DGKH: variants seen among roughly 807,000 people sequenced by gnomAD.
The protein encoded by DGKH is diacylglycerol kinase eta.
In DGKH, 90 loss-of-function variants were observed where a neutral mutation model predicts 159.3. That is an observed-to-expected ratio of 0.57 (90% CI 0.48 to 0.67). The LOEUF (loss-of-function observed/expected upper bound fraction) is 0.67, where lower values mean the gene tolerates loss of function less well. Ranked by LOEUF, DGKH falls within the 30% of genes least tolerant of loss-of-function variation. DGKH has a pLI of 0.00. For synonymous variants in DGKH, 536 were observed against 553.8 expected (o/e 0.97, Z 0.45); for missense variants, 1,181 against 1,506.1 (o/e 0.78, Z 3.57).
intron 3 of DGKH, among the ~76,000 whole-genome samples, chr13:42,147,622 G>A (rs561910020): frequency 2.6e-5 from 4 of 152,184 alleles, no homozygotes; most frequent in East Asian, 1.9e-4. Flanking sequence ...TGGTACAGTC[G>A]GAAAATATTA....
At chr13:42,243,253 T>A (rs2138330922), downstream of DGKH, among the ~76,000 whole-genome samples, 1 of 152,364 alleles carries the variant, frequency 6.6e-6, no homozygotes, top group Admixed American at 6.5e-5. Context: ...ATTACATAAA[T>A]GGAATCATAC....
At chr13:42,146,716 T>C (rs561450897) in intron 3 of DGKH, among the ~76,000 whole-genome samples, 40 of 152,344 alleles carry the variant, frequency 2.6e-4, no homozygotes, top group Non-Finnish European at 4.3e-4. Context: ...CACACATGCA[T>C]GCATTTAAAC....
intron 1 of DGKH, among the ~76,000 whole-genome samples, chr13:42,040,843 G>C (rs964648262): frequency 3.1e-4 from 45 of 146,844 alleles, no homozygotes; most frequent in African/African-American, 1.1e-3. Flanking sequence ...GGGGACCCGG[G>C]TCTGCGCGCC....
rs202182697 is a variant in DGKH, at chr13:42,207,693, GTGTA to G, written c.2602-1264_2602-1261del. ...AAAGAGAGGGCACAATTATTAAAGT[GTGTA>G]TATATATATATATATATATCAGTAA... is the stretch of plus-strand genomic sequence containing the variant. On this transcript the variant is annotated intron_variant, in intron 21 of 29. Coordinates refer to ENST00000337343, the MANE Select transcript of DGKH (RefSeq NM_178009.5). Among the ~76,000 whole-genome samples the G allele has an allele frequency of 5.0e-4, 63 of 126,492 alleles. 2 individuals carry two copies. Among genetic ancestry groups the G allele is most frequent in the South Asian group, 2.9e-3 (10 of 3,476 alleles). 83.0% of individuals were successfully genotyped at this position (126,492 alleles called of 152,430 possible). A position where few individuals can be genotyped will look rare whatever the true frequency, so the allele number is the denominator to read the frequency against.
intron 1 of DGKH, among the ~76,000 whole-genome samples, chr13:42,113,665 G>C (rs967203411): frequency 6.6e-6 from 1 of 152,188 alleles, no homozygotes; most frequent in Non-Finnish European, 1.5e-5. Context: ...ACAGGTGGCC[G>C]ATGAAGGAGG....
chr13:42,146,001 G>GGA lies in DGKH; in HGVS notation c.385-9290_385-9289insGA, dbSNP rs2137909007. Among the ~76,000 whole-genome samples the GGA allele has an allele frequency of 2.0e-5, 3 of 152,200 alleles. 1 individual carries two copies. In the East Asian group the frequency reaches 5.8e-4, roughly 29 times the overall value. ...TTTCAAAATTCCGCCAGTAAAGGGT[G>GGA]CTAATAATAACTAATTTTTCCCAAT... On this transcript the variant is annotated intron_variant, in intron 3 of 29. Coordinates refer to ENST00000337343, the MANE Select transcript of DGKH (RefSeq NM_178009.5).
intron 15 of DGKH, among the ~76,000 whole-genome samples, chr13:42,189,770 T>C (rs1035039759): frequency 6.6e-6 from 1 of 152,170 alleles, no homozygotes; most frequent in African/African-American, 2.4e-5. Context: ...AGGCTCGAGC[T>C]ATCCTCCTCC....
intron 1 of DGKH, among the ~76,000 whole-genome samples, chr13:42,057,316 T>C (rs1372168484): frequency 1.3e-5 from 2 of 152,192 alleles, no homozygotes; most frequent in Non-Finnish European, 2.9e-5. Flanking sequence ...AGCTAGAGAA[T>C]GAAAACGACA....
intron 29 of DGKH, among the ~76,000 whole-genome samples, chr13:42,248,723 G>C (rs1274123332): frequency 6.7e-6 from 1 of 150,186 alleles, no homozygotes; most frequent in African/African-American, 2.4e-5. Flanking sequence ...TCTCTGTTTA[G>C]ATATGTTTAG....
intron 17 of DGKH, 24 bp from the exon 18 acceptor site, chr13:42,198,454 A>G (rs1252060154): frequency 6.3e-7 from 1 of 1,597,860 alleles, no homozygotes; most frequent in African/African-American, 1.3e-5. Flanking sequence ...ATGCGATCCC[A>G]TATGTGTTTG....
intron 1 of DGKH, among the ~76,000 whole-genome samples, chr13:42,108,128 C>G (rs1287669525): frequency 6.6e-6 from 1 of 152,086 alleles, no homozygotes; most frequent in East Asian, 1.9e-4. Flanking sequence ...GGTTCTGGCC[C>G]TGCTCACCAT....
intron 1 of DGKH, among the ~76,000 whole-genome samples, chr13:42,124,209 G>T (rs1252664462): frequency 6.6e-6 from 1 of 151,970 alleles, no homozygotes; most frequent in Non-Finnish European, 1.5e-5. Context: ...AGTCTTTCTG[G>T]TATAAATGTC....
At chr13:42,185,761 A>T (rs1956904104) in intron 13 of DGKH, among the ~76,000 whole-genome samples, 3 of 152,136 alleles carry the variant, frequency 2.0e-5, no homozygotes, top group Admixed American at 6.6e-5. Context: ...AGAAGACAAA[A>T]CTTGACATGA....
At chr13:42,250,409 C>G (rs575654882) in intron 29 of DGKH, among the ~76,000 whole-genome samples, 1 of 152,212 alleles carries the variant, frequency 6.6e-6, no homozygotes, top group African/African-American at 2.4e-5. Flanking sequence ...TCACCTCGAA[C>G]CTTTATCATT....
rs563083387 is a variant in DGKH at position 42,075,109 on chromosome 13, G to A, written c.192+26144G>A. Among the ~76,000 whole-genome samples the A allele has an allele frequency of 3.3e-5, 5 of 152,288 alleles. No homozygotes were observed. The South Asian group carries it at 1.0e-3, about 32-fold the overall frequency. The stretch of plus-strand genomic sequence containing the variant: ...AGAGATACATTCATATGGTTGGATT[G>A]TTATACAGATTAAACGAGATAACTG... On this transcript the variant is annotated intron_variant, in intron 1 of 29. Transcript: ENST00000337343.
At chr13:42,243,405 G>T (rs976443097), downstream of DGKH, among the ~76,000 whole-genome samples, 1 of 152,124 alleles carries the variant, frequency 6.6e-6, no homozygotes, top group Non-Finnish European at 1.5e-5. Flanking sequence ...AATTTGGTTT[G>T]CATTTATAGT....
In DGKH at chr13:42,195,325, G is replaced by T. The variant is rs34697334; in HGVS notation, c.2167+309G>T. ...ACAAGCCTGGCCAACACAGTGACAA[G>T]CCTGTCTCTACTAAAAATACAAAAA... On this transcript the variant is annotated intron_variant, in intron 17 of 29. Transcript: ENST00000337343. Among the ~76,000 whole-genome samples, 66 of 152,026 alleles carry T rather than the reference G, an allele frequency of 4.3e-4. 1 individual carries two copies. The South Asian group carries it at 0.013, about 31-fold the overall frequency.
At chr13:42,116,341 C>T (rs541176204) in intron 1 of DGKH, among the ~76,000 whole-genome samples, 1 of 152,306 alleles carries the variant, frequency 6.6e-6, no homozygotes, top group South Asian at 2.1e-4. Flanking sequence ...AAAGAAGTGA[C>T]ACAAATAAAA....
intron 1 of DGKH, among the ~76,000 whole-genome samples, chr13:42,042,736 C>T (rs1880587288): frequency 1.3e-5 from 2 of 152,110 alleles, no homozygotes; most frequent in African/African-American, 2.4e-5. Context: ...TAATGGTTTA[C>T]AATCAGAAAG....
Sources: gnomAD v4.1 joint callset for allele counts (sites outside exome capture counted in the v4.1 genomes callset) on GRCh38, gnomAD v4.1.1 for gene constraint, MANE v1.5 for transcripts, NCBI Gene and HGNC (gene_info 2026-07-23, HGNC 2026-07-21) for gene names.